Variants in CEMIP observed in about 807,000 individuals in gnomAD.
CEMIP encodes the protein cell migration inducing hyaluronidase 1, also known as cell migration-inducing and hyaluronan-binding protein.
In CEMIP, 105 loss-of-function variants were observed where a neutral mutation model predicts 156.9. The observed-to-expected ratio is 0.67, with a 90% confidence interval of 0.57 to 0.79. CEMIP has a LOEUF of 0.79. CEMIP is among the 30% of genes least tolerant of loss of function. CEMIP has a pLI of 0.00. For missense variants in CEMIP, 1,457 were observed against 1,769.4 expected, an observed-to-expected ratio of 0.82 and a Z score of 3.17; for synonymous variants, 676 against 668.4, an observed-to-expected ratio of 1.01 and a Z score of -0.17.
At position 80,950,010 on chromosome 15, in the gene CEMIP, T is replaced by C. The variant is rs1901749452; in HGVS notation, c.*1086T>C. Reference sequence around the variant, plus strand: ...GGGGAGCAATGGGCTTTGCTGCTTATGAGCACAGAGGAATTCAGTCCCCAG... The same window carrying C: ...GGGGAGCAATGGGCTTTGCTGCTTACGAGCACAGAGGAATTCAGTCCCCAG... On this transcript the variant is annotated 3_prime_UTR_variant, in exon 30 of 30. Transcript: ENST00000394685. The C allele has an allele frequency of 6.6e-6, 1 of 151,988 alleles. No homozygotes were observed. The highest frequency in any genetic ancestry group is 1.5e-5 in the Non-Finnish European group (1 of 68,018). The allele number at this position is 151,988 out of a possible 1,614,324, so 9.4% of individuals were successfully genotyped here. A position where few individuals can be genotyped will look rare whatever the true frequency, so the allele number is the denominator to read the frequency against.
rs1055712769 is a variant in CEMIP, at chr15:80,932,092, T to C, written c.2793+53T>C. On this transcript the variant is annotated intron_variant, in intron 22 of 29. Coordinates refer to ENST00000394685, the MANE Select transcript of CEMIP (RefSeq NM_001293298.2). This position sits in a 1 kb window ranked among gnomAD's most constrained non-coding sequence, Gnocchi z 4.5. ...GGCAAACCCAGACTTTGGATGGTGA[T>C]TCACAAGTCCCCTGGGTCCCAGAGT... The C allele has an allele frequency of 7.5e-6, 12 of 1,592,538 alleles. No homozygotes were observed. The Admixed American group carries it at 1.8e-4, about 24-fold the overall frequency.
intron 1 of CEMIP, among the ~76,000 whole-genome samples, chr15:80,829,825 A>G (rs1897114847): frequency 6.6e-6 from 1 of 152,122 alleles, no homozygotes; most frequent in African/African-American, 2.4e-5. Flanking sequence ...TTTTATGGGG[A>G]GTATAGGAAG....
At chr15:80,816,172 G>A (rs1323001746) in intron 1 of CEMIP, among the ~76,000 whole-genome samples, 1 of 152,158 alleles carries the variant, frequency 6.6e-6, no homozygotes, top group Non-Finnish European at 1.5e-5. Context: ...GTAACCCTGA[G>A]GAATTGTCTC....
intron 1 of CEMIP, among the ~76,000 whole-genome samples, chr15:80,797,683 A>G (rs775627928): frequency 1.3e-5 from 2 of 152,100 alleles, no homozygotes; most frequent in Non-Finnish European, 2.9e-5. Context: ...TGCTGCAGTG[A>G]CTGGCAATGG....
At chr15:80,831,183 G>T (rs1174331674) in intron 1 of CEMIP, among the ~76,000 whole-genome samples, 1 of 152,184 alleles carries the variant, frequency 6.6e-6, no homozygotes, top group Non-Finnish European at 1.5e-5. Context: ...AGAAAGAACT[G>T]GCTTTTGGTC....
At position 80,932,121 on chromosome 15, in the gene CEMIP, A is replaced by T. The variant is rs1380354472; in HGVS notation, c.2793+82A>T. On this transcript the variant is annotated intron_variant, in intron 22 of 29. Transcript: ENST00000394685. The surrounding 1 kb of genome is among the most constrained non-coding windows in gnomAD (Gnocchi z 4.5). ...CAAGTCCCCTGGGTCCCAGAGTTTG[A>T]GCTATTGCCACCACCGCAGGGGTTG... The T allele has an allele frequency of 1.5e-5, 22 of 1,512,634 alleles. No homozygotes were observed. Among genetic ancestry groups the T allele is most frequent in the Non-Finnish European group, 2.0e-5 (22 of 1,101,682 alleles). The allele number at this position is 1,512,634 out of a possible 1,614,324, so 93.7% of individuals were successfully genotyped here.
chr15:80,912,480 C>T (rs1900108239), intron 14 of CEMIP, among the ~76,000 whole-genome samples: 1 of 152,202 alleles, frequency 6.6e-6, no homozygotes, highest in Admixed American at 6.5e-5. Flanking sequence ...AGAGGTCCAG[C>T]CTCACTCAGC....
chr15:80,901,885 A>G (rs1020127753), intron 12 of CEMIP, among the ~76,000 whole-genome samples: 1 of 152,004 alleles, frequency 6.6e-6, no homozygotes, highest in Non-Finnish European at 1.5e-5. Context: ...CAGGATTTCA[A>G]CTCAGCTTCA....
chr15:80,786,850 T>C (rs534666335), intron 1 of CEMIP, among the ~76,000 whole-genome samples: 155 of 152,286 alleles, frequency 1.0e-3, no homozygotes, highest in African/African-American at 3.6e-3. Context: ...TCCCAATATT[T>C]TTTATATAAA....
chr15:80,810,375 T>C (rs1018230690), intron 1 of CEMIP, among the ~76,000 whole-genome samples: 3 of 152,204 alleles, frequency 2.0e-5, no homozygotes, highest in African/African-American at 7.2e-5. Context: ...TTTGTTTGTT[T>C]GTTTGTTTTT....
intron 1 of CEMIP, among the ~76,000 whole-genome samples, chr15:80,863,451 C>T (rs763270353): frequency 1.3e-5 from 2 of 152,060 alleles, no homozygotes; most frequent in Admixed American, 6.5e-5. Flanking sequence ...TCAAGGAGCC[C>T]GCAGCCCAGT....
Position 80,937,862 on chromosome 15 carries a change from A to G in CEMIP, c.3290A>G (p.His1097Arg), listed in dbSNP as rs373530774. 6.2e-7 allele frequency: 1 copy of G among 1,614,086 alleles called. No homozygotes were observed. The highest frequency in any genetic ancestry group is 8.5e-7 in the Non-Finnish European group (1 of 1,180,038). The change falls in exon 25 of 30, where the codon CAC (histidine) becomes CGC (arginine). Residue 1097 changes from histidine to arginine, a missense_variant. Around this residue, in one of 5 missense-constraint regions of CEMIP, gnomAD observed 798 missense variants for 980.1 expected, o/e 0.81. Coordinates refer to ENST00000394685, the MANE Select transcript of CEMIP (RefSeq NM_001293298.2). ...GTTFSILSDVHNRLLKQTSKT... is the reference protein window; with the variant it reads ...GTTFSILSDVRNRLLKQTSKT... ...ACATTCTCCATCCTCTCGGATGTTC[A>G]CAATCGCCTGCTGAAGCAAACGTCC... is the stretch of plus-strand genomic sequence containing the variant.
intron 1 of CEMIP, among the ~76,000 whole-genome samples, chr15:80,816,686 C>T (rs1267700921): frequency 1.3e-5 from 2 of 152,112 alleles, no homozygotes; most frequent in South Asian, 2.1e-4. Context: ...AAACTCTTCT[C>T]GTATATGTTT....
intron 19 of CEMIP, 33 bp downstream of exon 19, chr15:80,925,788 AG>A: frequency 6.2e-7 from 1 of 1,605,864 alleles, no homozygotes; most frequent in Non-Finnish European, 8.5e-7. Context: ...TTTGGCACAA[AG>A]GGGGCATGGC....
intron 21 of CEMIP, among the ~76,000 whole-genome samples, chr15:80,929,496 C>T (rs1161054136): frequency 6.6e-6 from 1 of 152,184 alleles, no homozygotes. Context: ...AGCACTCTCA[C>T]TTGGAGTGTA....
chr15:80,838,782 C>T (rs1234326289), intron 1 of CEMIP, among the ~76,000 whole-genome samples: 2 of 152,152 alleles, frequency 1.3e-5, no homozygotes, highest in African/African-American at 4.8e-5. Context: ...ATAAGGAAGG[C>T]ATTCCCATTT....
intron 1 of CEMIP, among the ~76,000 whole-genome samples, chr15:80,824,031 T>G (rs1896971151): frequency 6.6e-6 from 1 of 152,218 alleles, no homozygotes; most frequent in Non-Finnish European, 1.5e-5. Context: ...GAATTTGGCA[T>G]GTCTGAAGCA....
chr15:80,914,025 C>T (rs557474196), intron 14 of CEMIP, among the ~76,000 whole-genome samples: 3 of 152,340 alleles, frequency 2.0e-5, no homozygotes, highest in South Asian at 2.1e-4. Flanking sequence ...TCTTGAAATG[C>T]AATGGTTAGC....
At chr15:80,807,720 G>C (rs577962097) in intron 1 of CEMIP, among the ~76,000 whole-genome samples, 1 of 152,334 alleles carries the variant, frequency 6.6e-6, no homozygotes, top group South Asian at 2.1e-4. Context: ...GTCATCAAAA[G>C]GTTAGCAGCC....
Sources: gnomAD v4.1 joint callset for allele counts (sites outside exome capture counted in the v4.1 genomes callset) on GRCh38, gnomAD v4.1.1 for gene constraint, gnomAD v4.1.1 regional missense constraint, Gnocchi (gnomAD v3.1) non-coding constraint, MANE v1.5 for transcripts, NCBI Gene and HGNC (gene_info 2026-07-23, HGNC 2026-07-21) for gene names.